Variants in GPHN observed in about 807,000 individuals in gnomAD.
GPHN encodes gephyrin.
GPHN carries 17 observed loss-of-function variants against 95.5 expected under a neutral mutation model. The observed-to-expected ratio is 0.18, with a 90% CI of 0.12 to 0.27. The LOEUF is 0.27. Among genes scored for constraint, GPHN ranks in the 10% least tolerant of loss-of-function variants. The pLI is 1.00. For synonymous variants in GPHN, 320 were observed against 322.5 expected, an observed-to-expected ratio of 0.99 and a Z score of 0.08; for missense variants, 660 against 978.1, an observed-to-expected ratio of 0.67 and a Z score of 4.34.
chr14:67,058,616 A>G, intron 10 of GPHN, 33 bp from the exon 11 acceptor site: 1 of 1,593,336 alleles, frequency 6.3e-7, no homozygotes, highest in South Asian at 1.1e-5. Context: ...GTGTTACAGC[A>G]TCATATTCTT....
At chr14:67,173,513 T>C (rs915668894) in intron 21 of GPHN, among the ~76,000 whole-genome samples, 2 of 152,024 alleles carry the variant, frequency 1.3e-5, no homozygotes, top group African/African-American at 4.8e-5. Flanking sequence ...ATTGAAAAAG[T>C]CACCACACCC....
rs1161626509 is a variant in GPHN at position 66,628,830 on chromosome 14, C to T, written c.65-52277C>T. Among the ~76,000 whole-genome samples the T allele has an allele frequency of 6.6e-5, 10 of 151,690 alleles. No individual in the cohort carries two copies. The South Asian group carries it at 1.5e-3, about 22-fold the overall frequency. On this transcript the variant is annotated intron_variant, in intron 1 of 22. Transcript: ENST00000478722. ...ATCCCAGTGCTTTGGGAGGGTGAAG[C>T]AGGAAGATTGCTTAATCCCAGGAGT...
chr14:67,148,582 A>T (rs113649551), intron 18 of GPHN, among the ~76,000 whole-genome samples: 1 of 118,070 alleles, frequency 8.5e-6, no homozygotes, highest in Non-Finnish European at 1.6e-5. Context: ...TTTTTTTGAG[A>T]CAGAGGCTCG....
chr14:66,723,982 TACATACACAC>T (rs778852425), intron 2 of GPHN, among the ~76,000 whole-genome samples: 3,929 of 143,218 alleles, frequency 0.027, 75 homozygotes, highest in Middle Eastern at 0.046. Flanking sequence ...ATGTCATGCA[TACATACACAC>T]ACACACACAC....
intron 5 of GPHN, among the ~76,000 whole-genome samples, chr14:66,889,105 T>C (rs970637971): frequency 3.9e-5 from 6 of 151,990 alleles, no homozygotes; most frequent in Non-Finnish European, 7.4e-5. Context: ...GAAGCAAAAA[T>C]GGACAGAATT....
At chr14:67,483,736 C>A in the GPHN span, among the ~76,000 whole-genome samples, 4 of 152,232 alleles carry the variant, frequency 2.6e-5, no homozygotes, top group African/African-American at 9.6e-5. Flanking sequence ...ACTGCCAGCC[C>A]ACACCAGTGC....
At chr14:66,518,125 C>A (rs1277769784) in intron 1 of GPHN, among the ~76,000 whole-genome samples, 15 of 119,234 alleles carry the variant, frequency 1.3e-4, no homozygotes, top group African/African-American at 5.7e-4. Flanking sequence ...AAATAAATAA[C>A]CCAGAAAAAA....
rs569826685 is a variant in GPHN at position 67,163,868 on chromosome 14, A to G, written c.1911-1294A>G. On this transcript the variant is annotated intron_variant, in intron 19 of 22. Coordinates refer to ENST00000478722, the MANE Select transcript of GPHN (RefSeq NM_020806.5). Reference sequence around the variant, plus strand: ...GTAATTAATAGAAAAAAAAAACACTATTCTCAACTGCCCACTCTATGCCAC... The same window carrying G: ...GTAATTAATAGAAAAAAAAAACACTGTTCTCAACTGCCCACTCTATGCCAC... Among the ~76,000 whole-genome samples the G allele has an allele frequency of 9.2e-5, 14 of 152,184 alleles. No individual in the cohort carries two copies. The East Asian group carries it at 1.9e-3, about 21-fold the overall frequency.
chr14:67,008,861 T>A (rs770689774), intron 9 of GPHN, among the ~76,000 whole-genome samples: 3 of 152,170 alleles, frequency 2.0e-5, no homozygotes, highest in Non-Finnish European at 4.4e-5. Context: ...TTAAATTTTA[T>A]AAGCTATACC....
intron 18 of GPHN, among the ~76,000 whole-genome samples, chr14:67,144,099 A>G (rs1595362269): frequency 6.7e-6 from 1 of 150,130 alleles, no homozygotes; most frequent in African/African-American, 2.5e-5. Context: ...TTAGCTGGGC[A>G]TGGTGGCACG....
At chr14:66,627,935 T>C (rs2063584828) in intron 1 of GPHN, among the ~76,000 whole-genome samples, 1 of 152,146 alleles carries the variant, frequency 6.6e-6, no homozygotes, top group East Asian at 1.9e-4. Context: ...CACCCCATTA[T>C]ATAAAGTTCA....
chr14:67,492,294 C>T, the GPHN span, among the ~76,000 whole-genome samples: 9 of 152,194 alleles, frequency 5.9e-5, no homozygotes, highest in African/African-American at 1.2e-4. Context: ...GCTGCCTGGC[C>T]GCCGTCCCAG....
chr14:67,244,555 A>G, the GPHN span, among the ~76,000 whole-genome samples: 2 of 152,222 alleles, frequency 1.3e-5, no homozygotes, highest in African/African-American at 2.4e-5. Flanking sequence ...GAGCTGTGCA[A>G]CTACCACAAT....
the GPHN span, among the ~76,000 whole-genome samples, chr14:67,565,696 A>G: frequency 1.3e-5 from 2 of 152,188 alleles, no homozygotes; most frequent in African/African-American, 4.8e-5. Context: ...GGGACAGCTA[A>G]GCGTTGGCTC....
the GPHN span, chr14:67,376,490 G>A: frequency 6.2e-6 from 10 of 1,613,968 alleles, no homozygotes; most frequent in Non-Finnish European, 8.5e-6. Flanking sequence ...CACCAAGGAT[G>A]AGCAGCTGGA....
chr14:67,608,074 CA>C, the GPHN span, among the ~76,000 whole-genome samples: 58,994 of 145,808 alleles, frequency 0.4, 13,923 homozygotes, highest in African/African-American at 0.68. Flanking sequence ...CCTGTCTCTA[CA>C]AAAAAAAAAA....
the GPHN span, among the ~76,000 whole-genome samples, chr14:67,193,066 A>C: frequency 0.18 from 25,048 of 142,112 alleles, 3,804 homozygotes; most frequent in East Asian, 0.41. Context: ...CTCTATATCT[A>C]TATATATCCA....
intron 9 of GPHN, among the ~76,000 whole-genome samples, chr14:67,008,969 A>T (rs2072796204): frequency 6.6e-6 from 1 of 152,200 alleles, no homozygotes; most frequent in African/African-American, 2.4e-5. Flanking sequence ...TGAAGTAAAA[A>T]ATGTGAAGAG....
chr14:66,841,572 G>GT (rs111746535), intron 4 of GPHN, among the ~76,000 whole-genome samples: 79 of 152,270 alleles, frequency 5.2e-4, no homozygotes, highest in African/African-American at 1.6e-3. Flanking sequence ...GAGAAGTCAG[G>GT]TATAAGACCC....
Sources: gnomAD v4.1 joint callset for allele counts (sites outside exome capture counted in the v4.1 genomes callset) on GRCh38, gnomAD v4.1.1 for gene constraint, MANE v1.5 for transcripts, NCBI Gene and HGNC (gene_info 2026-07-23, HGNC 2026-07-21) for gene names.